Variants in PLXNA2 observed in about 807,000 individuals in gnomAD.
PLXNA2 encodes plexin A2.
In PLXNA2, 91 loss-of-function variants were observed where a neutral mutation model predicts 193.5. The ratio of observed to expected loss-of-function variants is 0.47; its 90% CI spans 0.40 to 0.56. The LOEUF (loss-of-function observed/expected upper bound fraction) is 0.56. Among genes scored for constraint, PLXNA2 ranks in the 20% least tolerant of loss-of-function variants. The probability of loss-of-function intolerance (pLI) is 0.00; values close to 1 mark genes in which losing one functional copy is unlikely to be tolerated. For missense variants in PLXNA2, 1,995 were observed against 2,503.2 expected, an observed-to-expected ratio of 0.80 and a Z score of 4.33; for synonymous variants, 997 against 1,027.3, an observed-to-expected ratio of 0.97 and a Z score of 0.56.
intron 3 of PLXNA2, among the ~76,000 whole-genome samples, chr1:208,182,249 A>T (rs1348576694): frequency 6.6e-6 from 1 of 152,150 alleles, no homozygotes; most frequent in Non-Finnish European, 1.5e-5. Context: ...CCTGACCACC[A>T]TGGTGAAACC....
At chr1:208,067,367 A>G (rs1009859248) in intron 12 of PLXNA2, among the ~76,000 whole-genome samples, 3 of 152,074 alleles carry the variant, frequency 2.0e-5, no homozygotes, top group Admixed American at 2.0e-4. Flanking sequence ...AAAAGTTATA[A>G]TAACTAAGGT....
At chr1:208,185,719 G>GAAAAA (rs3991419) in intron 3 of PLXNA2, among the ~76,000 whole-genome samples, 8 of 105,520 alleles carry the variant, frequency 7.6e-5, no homozygotes, top group East Asian at 2.8e-4. Flanking sequence ...AAAAAAAAAA[G>GAAAAA]GAAAAAAAAA....
chr1:208,029,622 T>C (rs1337956243), intron 29 of PLXNA2: 4 of 987,340 alleles, frequency 4.1e-6, no homozygotes, highest in Non-Finnish European at 4.8e-6. Context: ...GGCGTTCTTG[T>C]ATCTGGGCAG....
chr1:208,194,487 A>G (rs1670292383), intron 3 of PLXNA2, among the ~76,000 whole-genome samples: 1 of 103,658 alleles, frequency 9.6e-6, no homozygotes, highest in South Asian at 3.3e-4. Flanking sequence ...AAAAGAAAGA[A>G]AAAAAAAACA....
chr1:208,054,624 T>A lies in PLXNA2; in HGVS notation c.2739-86A>T. ...TGCTCTCCCAGTCATGGCAAATGAC[T>A]CATCACAGTCTTGCAATAATGCCAG... On this transcript the variant is annotated intron_variant, in intron 13 of 31. Coordinates refer to ENST00000367033, the MANE Select transcript of PLXNA2 (RefSeq NM_025179.4). 3.3e-6 allele frequency: 3 copies of A among 900,604 alleles called. No homozygotes were observed. In the South Asian group the frequency reaches 4.3e-5, roughly 13 times the overall value. The allele number at this position is 900,604 out of a possible 1,614,324, so 55.8% of individuals were successfully genotyped here.
rs1158780153 is a variant in PLXNA2, at chr1:208,047,046, C to T, written c.3256-929G>A. Among the ~76,000 whole-genome samples, 7 of 152,064 alleles carry T rather than the reference C, an allele frequency of 4.6e-5. No homozygotes were observed. The East Asian group carries it at 5.8e-4, about 13-fold the overall frequency. On this transcript the variant is annotated intron_variant, in intron 17 of 31. Transcript: ENST00000367033. Reference sequence around the variant, plus strand: ...TGCGATCTCAGCTCACTGCAGCCTCCGCCTCCCGGGTTCCAGTGATTCTCC... The same window carrying T: ...TGCGATCTCAGCTCACTGCAGCCTCTGCCTCCCGGGTTCCAGTGATTCTCC...
At chr1:208,140,540 C>T (rs1490804666) in intron 4 of PLXNA2, among the ~76,000 whole-genome samples, 3 of 152,152 alleles carry the variant, frequency 2.0e-5, no homozygotes, top group African/African-American at 4.8e-5. Context: ...TTAACCTCTG[C>T]TCATCGTTTT....
intron 26 of PLXNA2, among the ~76,000 whole-genome samples, chr1:208,036,613 T>C (rs1664676914): frequency 6.6e-6 from 1 of 152,216 alleles, no homozygotes. Context: ...GTATTAGCGT[T>C]GCTATTATGA....
At chr1:208,203,197 G>A (rs1213867243) in intron 3 of PLXNA2, among the ~76,000 whole-genome samples, 1 of 152,206 alleles carries the variant, frequency 6.6e-6, no homozygotes, top group Non-Finnish European at 1.5e-5. Flanking sequence ...GACCCAAGAG[G>A]CCTATAGAAC....
At chr1:208,053,229 C>A (rs1026332175) in intron 14 of PLXNA2, among the ~76,000 whole-genome samples, 3 of 152,226 alleles carry the variant, frequency 2.0e-5, no homozygotes, top group African/African-American at 7.2e-5. Flanking sequence ...TTTGCATCAG[C>A]CATTCATCCG....
intron 4 of PLXNA2, among the ~76,000 whole-genome samples, chr1:208,127,773 C>T (rs1212329816): frequency 6.6e-6 from 1 of 152,202 alleles, no homozygotes; most frequent in Non-Finnish European, 1.5e-5. Context: ...GGCAGCCACT[C>T]GCTAGCCTCA....
intron 4 of PLXNA2, among the ~76,000 whole-genome samples, chr1:208,118,539 C>T (rs1331027007): frequency 1.3e-5 from 2 of 152,192 alleles, no homozygotes; most frequent in East Asian, 3.8e-4. Context: ...GGGGTCTTGT[C>T]CTGCCTGGGC....
At chr1:208,093,793 T>G (rs926453231) in intron 8 of PLXNA2, among the ~76,000 whole-genome samples, 2 of 152,218 alleles carry the variant, frequency 1.3e-5, no homozygotes, top group Admixed American at 6.5e-5. Flanking sequence ...GTGTATATTC[T>G]TTTGGCTCTC....
At chr1:208,202,265 CCA>C (rs1558242018) in intron 3 of PLXNA2, among the ~76,000 whole-genome samples, 1 of 152,166 alleles carries the variant, frequency 6.6e-6, no homozygotes, top group South Asian at 2.1e-4. Context: ...CAGGTGTGAG[CCA>C]CCATACCTGG....
In PLXNA2 at chr1:208,051,276, C is replaced by T. The variant is rs759882261; in HGVS notation, c.3141G>A (p.Glu1047=). Residue 1047 remains glutamate (E), a synonymous_variant, in exon 16 of 32, where the codon GAG becomes GAA. Transcript: ENST00000367033. ...CTCACCTGGCAATGCTCCACTCTGGCTCGATGCGCTGGACCCGAGGGTCAT... is the reference window on the plus strand; with the variant it reads ...CTCACCTGGCAATGCTCCACTCTGGTTCGATGCGCTGGACCCGAGGGTCAT... ...YIDDPRVQRI[E]PEWSIASGHT... 6.2e-7 allele frequency: 1 copy of T among 1,611,222 alleles called. No individual in the cohort carries two copies. The highest frequency in any genetic ancestry group is 1.1e-5 in the South Asian group (1 of 90,666).
In PLXNA2 at chr1:208,045,967, T is replaced by C; in HGVS notation, c.3406A>G (p.Lys1136Glu). The C allele has an allele frequency of 6.2e-7, 1 of 1,614,202 alleles. No homozygotes were observed. Among genetic ancestry groups the C allele is most frequent in the South Asian group, 1.1e-5 (1 of 91,088 alleles). ...GTCGGGTTGGGGTAGTAGATAAACT[T>C]GGTGTCGTTGTAAATTAGCAAGGAT... ...VQSLLIYNDTKFIYYPNPTFE... is the reference protein window; with the variant it reads ...VQSLLIYNDTEFIYYPNPTFE... The change falls in exon 18 of 32, where the codon AAG (lysine) becomes GAG (glutamate). Residue 1136 changes from lysine to glutamate, a missense_variant. This residue lies in a region of PLXNA2 where 1,291 missense variants were observed against 1,673.6 expected (regional missense o/e 0.77). Transcript: ENST00000367033.
intron 17 of PLXNA2, among the ~76,000 whole-genome samples, chr1:208,048,796 C>G (rs563602888): frequency 2.0e-5 from 3 of 152,214 alleles, no homozygotes; most frequent in Non-Finnish European, 2.9e-5. Flanking sequence ...GTATTAATTA[C>G]GTCTTTTATT....
chr1:208,153,518 G>A (rs529355628), intron 3 of PLXNA2, among the ~76,000 whole-genome samples: 1 of 152,330 alleles, frequency 6.6e-6, no homozygotes, highest in South Asian at 2.1e-4. Flanking sequence ...ATCCACATTT[G>A]TTTCTGTCGA....
rs79389812 is a variant in PLXNA2, at chr1:208,113,489, C to G, written c.1507-10242G>C. ...TCTACTTCCCTTGCCTTCCAGTCTC[C>G]AAGAGAGCATGAAAGAAGGGTTTGG... On this transcript the variant is annotated intron_variant, in intron 4 of 31. Transcript: ENST00000367033. 4.4e-3 allele frequency among the ~76,000 whole-genome samples: 664 copies of G among 151,490 alleles called. 4 individuals carry two copies. The highest frequency in any genetic ancestry group is 0.041 in the Middle Eastern group (12 of 290).
Sources: gnomAD v4.1 joint callset for allele counts (sites outside exome capture counted in the v4.1 genomes callset) on GRCh38, gnomAD v4.1.1 for gene constraint, gnomAD v4.1.1 regional missense constraint, MANE v1.5 for transcripts, NCBI Gene and HGNC (gene_info 2026-07-23, HGNC 2026-07-21) for gene names.